Variants in VWC2L observed in about 807,000 individuals in gnomAD.
VWC2L encodes von Willebrand factor C domain containing 2 like, also known as von Willebrand factor C domain-containing protein 2-like.
In VWC2L, 10 loss-of-function variants were observed where a neutral mutation model predicts 21.6. The observed-to-expected ratio is 0.46, with a 90% CI of 0.29 to 0.78. The LOEUF (loss-of-function observed/expected upper bound fraction) is 0.78, where lower values mean the gene tolerates loss of function less well. VWC2L is among the 30% of genes least tolerant of loss of function. The probability of loss-of-function intolerance (pLI) is 0.10; values close to 1 mark genes in which losing one functional copy is unlikely to be tolerated. For synonymous variants in VWC2L, 96 were observed against 94.3 expected, an observed-to-expected ratio of 1.02 and a Z score of -0.10; for missense variants, 209 against 277.1, an observed-to-expected ratio of 0.75 and a Z score of 1.74.
chr2:214,512,979 A>G (rs1689080386), intron 3 of VWC2L, among the ~76,000 whole-genome samples: 1 of 152,056 alleles, frequency 6.6e-6, no homozygotes, highest in Admixed American at 6.5e-5. Context: ...TCTAGGTTGA[A>G]TGTTTATAGC....
chr2:214,470,349 T>C (rs1050042711), intron 3 of VWC2L, among the ~76,000 whole-genome samples: 1 of 152,160 alleles, frequency 6.6e-6, no homozygotes, highest in Admixed American at 6.5e-5. Flanking sequence ...TTAAATTAAA[T>C]GAGTACATAT....
chr2:214,565,624 T>A lies in VWC2L; in HGVS notation c.521-10048T>A, dbSNP rs151031582. ...TGAACAAGATTAATTTCTTCATTGA[T>A]GTCTTGACATTTTTTTAATAAACAT... On this transcript the variant is annotated intron_variant, in intron 3 of 3. Coordinates refer to ENST00000312504, the MANE Select transcript of VWC2L (RefSeq NM_001080500.4). Among the ~76,000 whole-genome samples the A allele has an allele frequency of 6.2e-4, 95 of 152,354 alleles. 1 individual carries two copies. The East Asian group carries it at 0.012, about 19-fold the overall frequency.
chr2:214,575,595 G>T, intron 3 of VWC2L, 77 bp from the exon 4 acceptor site: 1 of 1,536,586 alleles, frequency 6.5e-7, no homozygotes, highest in African/African-American at 1.4e-5. Flanking sequence ...TATGGCTTTG[G>T]GGCTTGGGTT....
intron 3 of VWC2L, among the ~76,000 whole-genome samples, chr2:214,532,864 G>A (rs1365590380): frequency 6.6e-6 from 1 of 152,052 alleles, no homozygotes; most frequent in East Asian, 1.9e-4. Context: ...AACAGCCAGA[G>A]GTAACCTCAT....
chr2:214,497,784 A>G (rs1480081267), intron 3 of VWC2L, among the ~76,000 whole-genome samples: 6 of 152,340 alleles, frequency 3.9e-5, no homozygotes, highest in Admixed American at 2.6e-4. Context: ...ATTTATATTC[A>G]TAACAAACTT....
chr2:214,474,830 C>G (rs1384242396), intron 3 of VWC2L, among the ~76,000 whole-genome samples: 1 of 152,144 alleles, frequency 6.6e-6, no homozygotes, highest in East Asian at 1.9e-4. Flanking sequence ...TAAATCCTGG[C>G]AATGTATTGT....
At chr2:214,427,311 G>C (rs1338440308) in intron 2 of VWC2L, among the ~76,000 whole-genome samples, 1 of 152,114 alleles carries the variant, frequency 6.6e-6, no homozygotes, top group Admixed American at 6.5e-5. Context: ...GATGTAGAAA[G>C]CTTCATTAGA....
At chr2:214,566,319 G>A (rs1205134151) in intron 3 of VWC2L, among the ~76,000 whole-genome samples, 1 of 152,100 alleles carries the variant, frequency 6.6e-6, no homozygotes, top group East Asian at 1.9e-4. Flanking sequence ...ATTAGGAAAA[G>A]AGCAGCCAAC....
chr2:214,490,944 A>G (rs1398713861), intron 3 of VWC2L, among the ~76,000 whole-genome samples: 1 of 152,212 alleles, frequency 6.6e-6, no homozygotes. Flanking sequence ...ACAGAAGTCT[A>G]CATGTTGTAT....
chr2:214,567,547 TACACACACACACACACACACAC>T (rs71409879), intron 3 of VWC2L, among the ~76,000 whole-genome samples: 37 of 119,936 alleles, frequency 3.1e-4, no homozygotes, highest in African/African-American at 4.0e-4. Context: ...TTCATCCACA[TACACACACACACACACACACAC>T]ACACACACAC....
At chr2:214,415,767 A>G (rs1381885099) in intron 2 of VWC2L, among the ~76,000 whole-genome samples, 1 of 152,164 alleles carries the variant, frequency 6.6e-6, no homozygotes, top group African/African-American at 2.4e-5. Context: ...CATTGGAACT[A>G]GATTCCTTAG....
At chr2:214,494,252 A>T (rs1023648670) in intron 3 of VWC2L, among the ~76,000 whole-genome samples, 1 of 152,172 alleles carries the variant, frequency 6.6e-6, no homozygotes, top group Non-Finnish European at 1.5e-5. Context: ...TTATTTATCC[A>T]GTCCTAGGCA....
intron 3 of VWC2L, among the ~76,000 whole-genome samples, chr2:214,561,504 G>A (rs1283306751): frequency 1.3e-5 from 2 of 152,054 alleles, no homozygotes; most frequent in Non-Finnish European, 2.9e-5. Context: ...GGCCAGGCGT[G>A]GTAGTTCATG....
chr2:214,470,894 G>A (rs1703296380), intron 3 of VWC2L, among the ~76,000 whole-genome samples: 2 of 125,326 alleles, frequency 1.6e-5, no homozygotes, highest in Admixed American at 1.8e-4. Context: ...TCCAGCCTGG[G>A]CAACAGAGTG....
rs575775423 is a variant in VWC2L at position 214,412,417 on chromosome 2, G to A, written c.-81+631G>A. On this transcript the variant is annotated intron_variant, in intron 1 of 3. Transcript: ENST00000312504. ...GCTTTAATTAGTAAATTATATTTAT[G>A]CTTTTTCAGAAGCTTCTGTTATGTT... Among the ~76,000 whole-genome samples the A allele has an allele frequency of 3.3e-5, 5 of 152,042 alleles. No individual in the cohort carries two copies. The South Asian group carries it at 8.3e-4, about 25-fold the overall frequency.
chr2:214,575,773 C>A lies in VWC2L; in HGVS notation c.622C>A (p.Pro208Thr). The A allele has an allele frequency of 6.2e-7, 1 of 1,613,456 alleles. No homozygotes were observed. The highest frequency in any genetic ancestry group is 8.5e-7 in the Non-Finnish European group (1 of 1,179,500). The change falls in exon 4 of 4, where the codon CCT becomes ACT. Residue 208 changes from proline to threonine, a missense_variant. Transcript: ENST00000312504. ...TTGTCACAACGGGGACTGGTGGAAGCCTGCTCAGTGTTCGAAACGTGAATG... is the reference window on the plus strand; with the variant it reads ...TTGTCACAACGGGGACTGGTGGAAGACTGCTCAGTGTTCGAAACGTGAATG... ...CHCHNGDWWK[P>T]AQCSKRECQG... is the part of the protein sequence containing the mutation.
chr2:214,452,849 T>C (rs192626589), intron 3 of VWC2L, among the ~76,000 whole-genome samples: 1 of 152,348 alleles, frequency 6.6e-6, no homozygotes, highest in Admixed American at 6.5e-5. Flanking sequence ...AGGATTAGTC[T>C]CTTTTCATAT....
chr2:214,499,807 G>C (rs1008347027), intron 3 of VWC2L, among the ~76,000 whole-genome samples: 3 of 152,074 alleles, frequency 2.0e-5, no homozygotes, highest in Non-Finnish European at 2.9e-5. Context: ...TTATTTATTT[G>C]GTCATTTAAC....
At chr2:214,468,699 C>T (rs1028810193) in intron 3 of VWC2L, among the ~76,000 whole-genome samples, 10 of 151,698 alleles carry the variant, frequency 6.6e-5, no homozygotes, top group South Asian at 4.2e-4. Flanking sequence ...AGAATTAGAA[C>T]GTATAATGAG....
Sources: gnomAD v4.1 joint callset for allele counts (sites outside exome capture counted in the v4.1 genomes callset) on GRCh38, gnomAD v4.1.1 for gene constraint, MANE v1.5 for transcripts, NCBI Gene and HGNC (gene_info 2026-07-23, HGNC 2026-07-21) for gene names.